The following SEZ6L variants were observed in gnomAD, a reference collection of about 807,000 sequenced individuals.
SEZ6L encodes seizure related 6 homolog like.
Under a neutral mutation model 106.2 loss-of-function variants are expected in SEZ6L, and 37 were observed. The observed-to-expected ratio is 0.35, with a 90% CI of 0.27 to 0.46. SEZ6L has a LOEUF of 0.46. Among genes scored for constraint, SEZ6L ranks in the 20% least tolerant of loss-of-function variants. The pLI is 1.00. For missense variants in SEZ6L, 1,172 were observed against 1,332.8 expected, an observed-to-expected ratio of 0.88 and a Z score of 1.88; for synonymous variants, 541 against 570.4, an observed-to-expected ratio of 0.95 and a Z score of 0.73.
At chr22:26,363,420 T>C (rs1357773790) in intron 12 of SEZ6L, among the ~76,000 whole-genome samples, 1 of 152,230 alleles carries the variant, frequency 6.6e-6, no homozygotes, top group African/African-American at 2.4e-5. Flanking sequence ...CACATAATAA[T>C]TGCTCAATAA....
chr22:26,221,683 G>A (rs1489555373), intron 1 of SEZ6L, among the ~76,000 whole-genome samples: 1 of 151,982 alleles, frequency 6.6e-6, no homozygotes, highest in Non-Finnish European at 1.5e-5. Flanking sequence ...TAAGAGAAAA[G>A]CACCATCTCT....
chr22:26,305,518 C>A (rs2081602737), intron 5 of SEZ6L, among the ~76,000 whole-genome samples: 1 of 152,192 alleles, frequency 6.6e-6, no homozygotes. Context: ...TAGAATACAG[C>A]TTAGATTTGC....
At chr22:26,370,185 A>G (rs1023918962) in intron 13 of SEZ6L, among the ~76,000 whole-genome samples, 36 of 152,222 alleles carry the variant, frequency 2.4e-4, no homozygotes, top group African/African-American at 8.4e-4. Context: ...GTTCGAGACC[A>G]TCCTGGCTAA....
chr22:26,251,517 C>G (rs974838195), intron 1 of SEZ6L, among the ~76,000 whole-genome samples: 1 of 152,074 alleles, frequency 6.6e-6, no homozygotes, highest in African/African-American at 2.4e-5. Flanking sequence ...TACTTCAGGG[C>G]CTGTAAAGAC....
chr22:26,310,435 C>G (rs563703581), intron 6 of SEZ6L, among the ~76,000 whole-genome samples: 3 of 152,270 alleles, frequency 2.0e-5, no homozygotes, highest in East Asian at 3.9e-4. Flanking sequence ...ACTCGGGAGG[C>G]TGAGGCAGGA....
intron 1 of SEZ6L, among the ~76,000 whole-genome samples, chr22:26,194,186 C>A (rs1484898068): frequency 6.6e-6 from 1 of 152,200 alleles, no homozygotes; most frequent in South Asian, 2.1e-4. Context: ...TGAAAGCAAC[C>A]TTACATGCCA....
intron 1 of SEZ6L, among the ~76,000 whole-genome samples, chr22:26,234,454 T>C (rs566076800): frequency 3.2e-4 from 49 of 152,188 alleles, no homozygotes; most frequent in Non-Finnish European, 5.4e-4. Flanking sequence ...TAGCAGACCT[T>C]TTTTTTCCTT....
At chr22:26,340,018 T>C (rs1003755840) in intron 9 of SEZ6L, among the ~76,000 whole-genome samples, 4 of 152,220 alleles carry the variant, frequency 2.6e-5, no homozygotes, top group African/African-American at 9.6e-5. Flanking sequence ...GCAGATTGCC[T>C]GAGCTCAGGA....
chr22:26,346,825 G>T (rs1312434744), intron 10 of SEZ6L, among the ~76,000 whole-genome samples: 1 of 152,134 alleles, frequency 6.6e-6, no homozygotes. Context: ...ACTCAATGTT[G>T]TTATGACCTA....
At chr22:26,212,070 G>A (rs971046039) in intron 1 of SEZ6L, among the ~76,000 whole-genome samples, 2 of 152,058 alleles carry the variant, frequency 1.3e-5, no homozygotes. Flanking sequence ...TAGGTGAAGG[G>A]GAGCAAGGAC....
chr22:26,244,613 C>T (rs923298720), intron 1 of SEZ6L: 1 of 152,212 alleles, frequency 6.6e-6, no homozygotes, highest in African/African-American at 2.4e-5. Context: ...GAGGTGTGCA[C>T]CTACCTGGTC....
Position 26,169,605 on chromosome 22 carries a change from C to T in SEZ6L, c.-65C>T, listed in dbSNP as rs1938425554. The T allele has an allele frequency of 3.5e-6, 2 of 573,026 alleles. No individual in the cohort carries two copies. The highest frequency in any genetic ancestry group is 4.3e-5 in the Admixed American group (1 of 23,004). The allele number at this position is 573,026 out of a possible 1,614,324, so 35.5% of individuals were successfully genotyped here. On this transcript the variant is annotated 5_prime_UTR_variant, in exon 1 of 17. Coordinates refer to ENST00000248933, the MANE Select transcript of SEZ6L (RefSeq NM_021115.5). Reference sequence around the variant, plus strand: ...CCCTTTCTCGCTCACCGCCGCCCTCCTTCCCCAGCTCCCTCGCCGTCCGCC... The same window carrying T: ...CCCTTTCTCGCTCACCGCCGCCCTCTTTCCCCAGCTCCCTCGCCGTCCGCC...
At chr22:26,287,779 A>G (rs1366885180) in intron 1 of SEZ6L, among the ~76,000 whole-genome samples, 1 of 152,234 alleles carries the variant, frequency 6.6e-6, no homozygotes, top group East Asian at 1.9e-4. Flanking sequence ...TGCAGACCAC[A>G]GATGCATATC....
At chr22:26,342,111 GAA>G (rs2082855863) in intron 10 of SEZ6L, among the ~76,000 whole-genome samples, 1 of 152,252 alleles carries the variant, frequency 6.6e-6, no homozygotes, top group Non-Finnish European at 1.5e-5. Context: ...CAGCAGCGGA[GAA>G]CCTGGGAGAC....
intron 1 of SEZ6L, among the ~76,000 whole-genome samples, chr22:26,245,076 T>C (rs2079286378): frequency 6.6e-6 from 1 of 152,172 alleles, no homozygotes; most frequent in South Asian, 2.1e-4. Flanking sequence ...AAGATAACCC[T>C]TAAGTACATC....
intron 1 of SEZ6L, among the ~76,000 whole-genome samples, chr22:26,245,072 A>G (rs1602140703): frequency 6.6e-6 from 1 of 152,116 alleles, no homozygotes; most frequent in South Asian, 2.1e-4. Context: ...TCAAAAGATA[A>G]CCCTTAAGTA....
chr22:26,292,378 T>A, intron 1 of SEZ6L, 28 bp from the exon 2 acceptor site: 1 of 1,568,490 alleles, frequency 6.4e-7, no homozygotes. Context: ...CTCCCCAAAC[T>A]AACTGGTGTC....
intron 1 of SEZ6L, among the ~76,000 whole-genome samples, chr22:26,244,102 G>T (rs1446633417): frequency 2.0e-5 from 3 of 151,912 alleles, no homozygotes; most frequent in Non-Finnish European, 4.4e-5. Flanking sequence ...GGTTGAGGCT[G>T]CAGTGAGCTG....
chr22:26,259,378 C>A (rs1324206064), intron 1 of SEZ6L, among the ~76,000 whole-genome samples: 2 of 152,088 alleles, frequency 1.3e-5, no homozygotes, highest in African/African-American at 2.4e-5. Flanking sequence ...CCTTCAAGGG[C>A]AATCTGAGGA....
Sources: gnomAD v4.1 joint callset for allele counts (sites outside exome capture counted in the v4.1 genomes callset) on GRCh38, gnomAD v4.1.1 for gene constraint, MANE v1.5 for transcripts, NCBI Gene and HGNC (gene_info 2026-07-23, HGNC 2026-07-21) for gene names.